Variants in AGMO observed in about 807,000 individuals in gnomAD.
The protein encoded by AGMO is alkylglycerol monooxygenase.
Under a neutral mutation model 60.2 loss-of-function variants are expected in AGMO, and 75 were observed. The observed-to-expected ratio is 1.25, with a 90% CI of 1.03 to 1.51. The LOEUF (loss-of-function observed/expected upper bound fraction) is 1.51. Among genes scored for constraint, AGMO ranks in the 40% most tolerant of loss-of-function variants. The pLI, the probability that AGMO is intolerant of heterozygous loss-of-function variation, is 0.00. For missense variants in AGMO, 763 were observed against 525.5 expected, an observed-to-expected ratio of 1.45 and a Z score of -4.42; for synonymous variants, 261 against 177.1, an observed-to-expected ratio of 1.47 and a Z score of -3.76.
intron 4 of AGMO, among the ~76,000 whole-genome samples, chr7:15,423,388 G>T (rs1780977280): frequency 6.6e-6 from 1 of 152,050 alleles, no homozygotes. Context: ...TTTCTATTTA[G>T]AAAGTCATTA....
At chr7:15,473,210 T>C (rs925935882) in intron 3 of AGMO, among the ~76,000 whole-genome samples, 13 of 152,082 alleles carry the variant, frequency 8.5e-5, no homozygotes, top group Admixed American at 5.2e-4. Flanking sequence ...AGAAGTGGAA[T>C]TCCTGAATAG....
At chr7:15,396,050 A>G (rs572046737) in intron 5 of AGMO, 3 of 152,196 alleles carry the variant, frequency 2.0e-5, no homozygotes, top group Non-Finnish European at 2.9e-5. Context: ...ACCCACCTGA[A>G]AAGAGTTCTT....
At chr7:15,395,149 G>A (rs564315007) in intron 5 of AGMO, among the ~76,000 whole-genome samples, 6 of 152,254 alleles carry the variant, frequency 3.9e-5, no homozygotes, top group African/African-American at 1.4e-4. Context: ...GCCTACCAAT[G>A]ACAAAATCAA....
the AGMO span, among the ~76,000 whole-genome samples, chr7:15,162,299 C>A: frequency 1.3e-5 from 2 of 152,040 alleles, no homozygotes; most frequent in African/African-American, 4.8e-5. Context: ...ACTAATACAC[C>A]TTTAATAATT....
intron 5 of AGMO, among the ~76,000 whole-genome samples, chr7:15,395,853 G>C (rs150524003): frequency 6.6e-6 from 1 of 152,160 alleles, no homozygotes; most frequent in East Asian, 1.9e-4. Context: ...GACAACCTCT[G>C]GCATTAAAAC....
chr7:15,203,938 C>A (rs780989180), intron 12 of AGMO, among the ~76,000 whole-genome samples: 1 of 151,952 alleles, frequency 6.6e-6, no homozygotes. Context: ...TGTCAGTAAC[C>A]GCTAGGCTTC....
intron 12 of AGMO, among the ~76,000 whole-genome samples, chr7:15,287,598 A>G (rs1474952634): frequency 1.3e-5 from 2 of 152,202 alleles, no homozygotes; most frequent in African/African-American, 4.8e-5. Flanking sequence ...TATTTGTAGT[A>G]TGTGTACTAT....
chr7:15,367,227 A>C (rs948244393), intron 10 of AGMO, among the ~76,000 whole-genome samples: 5 of 151,112 alleles, frequency 3.3e-5, no homozygotes, highest in Non-Finnish European at 7.4e-5. Flanking sequence ...TTTTTATCCT[A>C]ATGTACTGGA....
chr7:15,538,066 TGATGG>T (rs1324251485), intron 3 of AGMO, among the ~76,000 whole-genome samples: 2 of 152,058 alleles, frequency 1.3e-5, no homozygotes, highest in African/African-American at 4.8e-5. Context: ...GGCAAGTTGT[TGATGG>T]GAATTCCAAG....
At chr7:15,221,873 T>A (rs1781934237) in intron 12 of AGMO, among the ~76,000 whole-genome samples, 1 of 152,144 alleles carries the variant, frequency 6.6e-6, no homozygotes. Flanking sequence ...TTGTGCAATT[T>A]CACCAATTTC....
chr7:15,397,468 G>C (rs573718563), intron 5 of AGMO, among the ~76,000 whole-genome samples: 6 of 152,258 alleles, frequency 3.9e-5, no homozygotes, highest in Non-Finnish European at 8.8e-5. Flanking sequence ...GCAGCGGCGG[G>C]CTGAAGGGCT....
Position 15,354,128 on chromosome 7 carries a change from G to T in AGMO, c.1263+11386C>A, listed in dbSNP as rs116034891. ...GTGACCATTTTTAGAAGGAATACAG[G>T]AAGAGGACAATGTTTTTTTAAAGGA... On this transcript the variant is annotated intron_variant, in intron 12 of 12. Coordinates refer to ENST00000342526, the MANE Select transcript of AGMO (RefSeq NM_001004320.2). 3.5e-3 allele frequency among the ~76,000 whole-genome samples: 535 copies of T among 151,670 alleles called. 2 individuals are homozygous for T. Among genetic ancestry groups the T allele is most frequent in the African/African-American group, 0.012 (509 of 41,400 alleles).
At chr7:15,285,223 G>T (rs542706255) in intron 12 of AGMO, among the ~76,000 whole-genome samples, 1 of 151,658 alleles carries the variant, frequency 6.6e-6, no homozygotes, top group Admixed American at 6.6e-5. Context: ...TGAAGTCCTA[G>T]CTAGAACAAT....
At chr7:15,381,584 A>C (rs1783687810) in intron 10 of AGMO, among the ~76,000 whole-genome samples, 1 of 152,282 alleles carries the variant, frequency 6.6e-6, no homozygotes, top group Non-Finnish European at 1.5e-5. Flanking sequence ...TGGGAATGTA[A>C]ATTAGTTCAA....
At chr7:15,120,539 A>C in the AGMO span, among the ~76,000 whole-genome samples, 1 of 152,114 alleles carries the variant, frequency 6.6e-6, no homozygotes, top group Non-Finnish European at 1.5e-5. Context: ...CCTTAGAAGA[A>C]GGAAGACTAC....
intron 4 of AGMO, among the ~76,000 whole-genome samples, chr7:15,423,800 G>C (rs1175478446): frequency 1.3e-5 from 2 of 152,096 alleles, no homozygotes; most frequent in Non-Finnish European, 2.9e-5. Context: ...CAGTATTTAG[G>C]TGGGGGGCAT....
At chr7:15,453,230 A>G (rs561327412) in intron 3 of AGMO, among the ~76,000 whole-genome samples, 234 of 152,334 alleles carry the variant, frequency 1.5e-3, no homozygotes, top group Non-Finnish European at 3.0e-3. Flanking sequence ...TATGTTAATT[A>G]TATCTCAATA....
At chr7:15,135,489 C>T in the AGMO span, among the ~76,000 whole-genome samples, 3 of 152,162 alleles carry the variant, frequency 2.0e-5, no homozygotes, top group African/African-American at 7.2e-5. Flanking sequence ...TGTTTGGAAA[C>T]AGGCTAGCTT....
chr7:15,393,198 T>TC (rs1784221585), intron 6 of AGMO, among the ~76,000 whole-genome samples: 1 of 152,210 alleles, frequency 6.6e-6, no homozygotes, highest in South Asian at 2.1e-4. Flanking sequence ...CCTCTCCCCT[T>TC]CTGGGGAGTC....
Sources: gnomAD v4.1 joint callset for allele counts (sites outside exome capture counted in the v4.1 genomes callset) on GRCh38, gnomAD v4.1.1 for gene constraint, MANE v1.5 for transcripts, NCBI Gene and HGNC (gene_info 2026-07-23, HGNC 2026-07-21) for gene names.